RAB11FIP4: variants seen among roughly 807,000 people sequenced by gnomAD.
RAB11FIP4 encodes the protein RAB11 family interacting protein 4, also known as rab11 family-interacting protein 4.
In RAB11FIP4, 23 loss-of-function variants were observed where a neutral mutation model predicts 74.3. That is an observed-to-expected ratio of 0.31 (90% CI 0.22 to 0.44). The LOEUF (loss-of-function observed/expected upper bound fraction) is 0.44, where lower values mean the gene tolerates loss of function less well. Ranked by LOEUF, RAB11FIP4 falls within the 20% of genes least tolerant of loss-of-function variation. The pLI, the probability that RAB11FIP4 is intolerant of heterozygous loss-of-function variation, is 1.00. For missense variants in RAB11FIP4, 630 were observed against 863.9 expected, an observed-to-expected ratio of 0.73 and a Z score of 3.39; for synonymous variants, 360 against 359.9, an observed-to-expected ratio of 1.00 and a Z score of 0.00.
intron 3 of RAB11FIP4, among the ~76,000 whole-genome samples, chr17:31,456,645 T>TA (rs1219128918): frequency 1.3e-5 from 2 of 152,214 alleles, no homozygotes; most frequent in Non-Finnish European, 1.5e-5. Context: ...TCAGAAAACT[T>TA]AGAGCTAATG....
chr17:31,530,739 T>G (rs2072856459), intron 14 of RAB11FIP4, among the ~76,000 whole-genome samples: 1 of 152,154 alleles, frequency 6.6e-6, no homozygotes, highest in Non-Finnish European at 1.5e-5. Context: ...AATGCCAACA[T>G]AGCCAGCTGA....
chr17:31,510,604 A>T (rs1337783547), intron 3 of RAB11FIP4, among the ~76,000 whole-genome samples: 1 of 137,620 alleles, frequency 7.3e-6, no homozygotes, highest in Admixed American at 6.8e-5. Context: ...CTTAATGCTT[A>T]CTAAAGGGTG....
At chr17:31,436,442 G>A (rs946032016) in intron 3 of RAB11FIP4, among the ~76,000 whole-genome samples, 1 of 151,966 alleles carries the variant, frequency 6.6e-6, no homozygotes, top group Admixed American at 6.6e-5. Context: ...GGGAGAGGGG[G>A]TGGGAGTTGG....
At chr17:31,479,101 C>T (rs905379874) in intron 3 of RAB11FIP4, among the ~76,000 whole-genome samples, 4 of 152,198 alleles carry the variant, frequency 2.6e-5, no homozygotes, top group African/African-American at 9.6e-5. Flanking sequence ...TTATTTGTTT[C>T]ATGAGTGCAG....
intron 3 of RAB11FIP4, among the ~76,000 whole-genome samples, chr17:31,516,511 C>T (rs2072549132): frequency 6.6e-6 from 1 of 152,182 alleles, no homozygotes; most frequent in Admixed American, 6.5e-5. Flanking sequence ...GCTCTGTCAC[C>T]CAGGCCGAAC....
At chr17:31,424,787 G>A (rs1292020308) in intron 1 of RAB11FIP4, among the ~76,000 whole-genome samples, 1 of 152,088 alleles carries the variant, frequency 6.6e-6, no homozygotes, top group Non-Finnish European at 1.5e-5. Flanking sequence ...ATGTTGGCCA[G>A]GCTGGTCTCG....
rs1489373374 is a variant in RAB11FIP4, at chr17:31,531,654, C to G, written c.1836C>G (p.Phe612Leu). 1 of 1,614,112 alleles carries G rather than the reference C, an allele frequency of 6.2e-7. No homozygotes were observed. The highest frequency in any genetic ancestry group is 8.5e-7 in the Non-Finnish European group (1 of 1,179,972). Residue 612 changes from phenylalanine to leucine, a missense_variant, in exon 15 of 15, where the codon TTC becomes TTG. Physicochemically the swap from Phe to Leu is conservative, Grantham distance 22. Transcript: ENST00000621161. ...TGAAGGAGCAGGAGGAGATCAACTTCCGGCTGAGGCAGTACATGGACAAGA... is the reference window on the plus strand; with the variant it reads ...TGAAGGAGCAGGAGGAGATCAACTTGCGGCTGAGGCAGTACATGGACAAGA... ...EALKEQEEIN[F>L]RLRQYMDKII...
intron 3 of RAB11FIP4, among the ~76,000 whole-genome samples, chr17:31,485,933 T>G (rs2071896103): frequency 6.6e-6 from 1 of 152,180 alleles, no homozygotes; most frequent in African/African-American, 2.4e-5. Flanking sequence ...TCTTATTTTT[T>G]TTTTAAATAG....
At chr17:31,482,979 G>C (rs940997199) in intron 3 of RAB11FIP4, among the ~76,000 whole-genome samples, 10 of 152,012 alleles carry the variant, frequency 6.6e-5, no homozygotes, top group Admixed American at 3.3e-4. Flanking sequence ...CGGATCACGG[G>C]ATCAGGAGTT....
chr17:31,517,224 A>AGGGGGGG (rs2072574206), intron 3 of RAB11FIP4, among the ~76,000 whole-genome samples: 1 of 98,858 alleles, frequency 1.0e-5, no homozygotes, highest in Non-Finnish European at 2.2e-5. Context: ...GCGGGGGGGA[A>AGGGGGGG]GGGGATGCAA....
intron 1 of RAB11FIP4, among the ~76,000 whole-genome samples, chr17:31,420,296 T>A (rs1201320373): frequency 6.6e-6 from 1 of 152,148 alleles, no homozygotes; most frequent in Non-Finnish European, 1.5e-5. Context: ...AGTGGTGTAA[T>A]CAAGGCTCAC....
rs184363210 is a variant in RAB11FIP4, at chr17:31,500,894, G to A, written c.337-16757G>A. ...AAAAATTAGCTGGGTGTGATGGCAC[G>A]CGCCTGTAGTCCCAGCTACTCAGGA... On this transcript the variant is annotated intron_variant, in intron 3 of 14. Transcript: ENST00000621161. 3.6e-3 allele frequency among the ~76,000 whole-genome samples: 547 copies of A among 152,156 alleles called. 2 individuals are homozygous for A. The highest frequency in any genetic ancestry group is 0.012 in the African/African-American group (514 of 41,522).
chr17:31,519,097 C>T (rs1412710247), intron 4 of RAB11FIP4, among the ~76,000 whole-genome samples: 1 of 147,910 alleles, frequency 6.8e-6, no homozygotes, highest in Non-Finnish European at 1.5e-5. Context: ...TCACTGCAAC[C>T]TCCACCTCCC....
At chr17:31,489,886 A>G (rs1264639258) in intron 3 of RAB11FIP4, among the ~76,000 whole-genome samples, 1 of 152,174 alleles carries the variant, frequency 6.6e-6, no homozygotes, top group African/African-American at 2.4e-5. Flanking sequence ...TAAGGCCAGT[A>G]GAAGAGATAA....
At chr17:31,477,770 G>C (rs978189811) in intron 3 of RAB11FIP4, among the ~76,000 whole-genome samples, 3 of 152,164 alleles carry the variant, frequency 2.0e-5, no homozygotes, top group Admixed American at 2.0e-4. Context: ...ATAACGGCTA[G>C]GTGCACAGTC....
chr17:31,509,136 CAA>C (rs985511758), intron 3 of RAB11FIP4: 73 of 152,702 alleles, frequency 4.8e-4, no homozygotes, highest in African/African-American at 1.8e-3. Context: ...CAAATCTGCC[CAA>C]GAGCCTCAGT....
chr17:31,447,209 G>A (rs973108479), intron 3 of RAB11FIP4, among the ~76,000 whole-genome samples: 6 of 152,182 alleles, frequency 3.9e-5, no homozygotes, highest in African/African-American at 1.2e-4. Flanking sequence ...GCGTGAACCC[G>A]GGAGGTGGAG....
chr17:31,404,513 G>A (rs2071025020), intron 1 of RAB11FIP4, among the ~76,000 whole-genome samples: 1 of 152,238 alleles, frequency 6.6e-6, no homozygotes, highest in South Asian at 2.1e-4. Flanking sequence ...CATCTGTATA[G>A]TGGGGATAAT....
chr17:31,444,232 G>A (rs536673901), intron 3 of RAB11FIP4, among the ~76,000 whole-genome samples: 1 of 152,250 alleles, frequency 6.6e-6, no homozygotes, highest in South Asian at 2.1e-4. Context: ...TGTGCTGGTG[G>A]AGGTGTGGGT....
Sources: gnomAD v4.1 joint callset for allele counts (sites outside exome capture counted in the v4.1 genomes callset) on GRCh38, gnomAD v4.1.1 for gene constraint, MANE v1.5 for transcripts, NCBI Gene and HGNC (gene_info 2026-07-23, HGNC 2026-07-21) for gene names.